Variants in UNC5D observed in about 807,000 individuals in gnomAD.
The protein encoded by UNC5D is unc-5 netrin receptor D, also known as netrin receptor UNC5D.
UNC5D carries 39 observed loss-of-function variants against 105.4 expected under a neutral mutation model. That is an observed-to-expected ratio of 0.37 (90% CI 0.29 to 0.48). UNC5D has a LOEUF of 0.48. Ranked by LOEUF, UNC5D falls within the 20% of genes least tolerant of loss-of-function variation. The probability of loss-of-function intolerance (pLI) is 0.98; values close to 1 mark genes in which losing one functional copy is unlikely to be tolerated. For missense variants in UNC5D, 991 were observed against 1,202.4 expected (o/e 0.82, Z 2.60); for synonymous variants, 452 against 450.4 (o/e 1.00, Z -0.04).
intron 3 of UNC5D, among the ~76,000 whole-genome samples, chr8:35,593,056 C>G: frequency 6.7e-6 from 1 of 150,342 alleles, no homozygotes; most frequent in Non-Finnish European, 1.5e-5. Context: ...TACACACACA[C>G]ACACACACAC....
intron 1 of UNC5D, among the ~76,000 whole-genome samples, chr8:35,301,393 C>T (rs759884297): frequency 1.3e-5 from 2 of 152,118 alleles, no homozygotes; most frequent in Non-Finnish European, 2.9e-5. Context: ...ACCAATTTCA[C>T]AGAGGTTATC....
At chr8:35,631,219 C>T (rs2131078606) in intron 4 of UNC5D, among the ~76,000 whole-genome samples, 1 of 151,474 alleles carries the variant, frequency 6.6e-6, no homozygotes. Flanking sequence ...GAGACTGAGG[C>T]AGGAGAATGG....
chr8:35,409,768 G>C (rs923379671), intron 1 of UNC5D, among the ~76,000 whole-genome samples: 5 of 151,812 alleles, frequency 3.3e-5, no homozygotes, highest in African/African-American at 4.8e-5. Context: ...TTTTCCCTAT[G>C]ATCATGCCTT....
chr8:35,435,404 A>G (rs1244807877), intron 1 of UNC5D, among the ~76,000 whole-genome samples: 1 of 152,092 alleles, frequency 6.6e-6, no homozygotes, highest in Non-Finnish European at 1.5e-5. Flanking sequence ...AAAGCTGGCA[A>G]AAGAATTATG....
At chr8:35,250,782 C>G in intron 1 of UNC5D, among the ~76,000 whole-genome samples, 1 of 152,318 alleles carries the variant, frequency 6.6e-6, no homozygotes, top group Non-Finnish European at 1.5e-5. Flanking sequence ...CAGGCATGAA[C>G]CACCGCTCCT....
chr8:35,325,868 A>C lies in UNC5D; in HGVS notation c.103+89981A>C, dbSNP rs116939845. ...ATGGTCACCAAAACATCATCCTATC[A>C]TCGTCCTCAGTATAAAGTTGGGAAA... On this transcript the variant is annotated intron_variant, in intron 1 of 16. Transcript: ENST00000404895. 3.8e-3 allele frequency among the ~76,000 whole-genome samples: 582 copies of C among 152,238 alleles called. 1 individual carries two copies. The highest frequency in any genetic ancestry group is 5.6e-3 in the Non-Finnish European group (382 of 68,018).
At chr8:35,641,377 A>AAAAAAAAAAAAAAAAAAAAAC (rs1822717490) in intron 4 of UNC5D, among the ~76,000 whole-genome samples, 1 of 150,308 alleles carries the variant, frequency 6.7e-6, no homozygotes, top group African/African-American at 2.4e-5. Flanking sequence ...AAAAAAAAAA[A>AAAAAAAAAAAAAAAAAAAAAC]AAAAAAAAGA....
chr8:35,487,320 C>G (rs1299587081), intron 1 of UNC5D, among the ~76,000 whole-genome samples: 1 of 152,014 alleles, frequency 6.6e-6, no homozygotes, highest in East Asian at 1.9e-4. Flanking sequence ...ACATTTAAAT[C>G]AGTGGACTCT....
intron 1 of UNC5D, among the ~76,000 whole-genome samples, chr8:35,435,036 AGTTAAAGAT>A (rs1471776558): frequency 6.6e-6 from 1 of 152,122 alleles, no homozygotes; most frequent in Admixed American, 6.6e-5. Context: ...CCTAAAAAAA[AGTTAAAGAT>A]CTTAAACTTG....
At position 35,456,177 on chromosome 8, in the gene UNC5D, T is replaced by G. The variant is rs370926353; in HGVS notation, c.104-93115T>G. Among the ~76,000 whole-genome samples the G allele has an allele frequency of 5.9e-5, 9 of 152,280 alleles. 1 individual carries two copies. The highest frequency in any genetic ancestry group is 2.2e-4 in the African/African-American group (9 of 41,556). ...GTTTCATTAGAACATTACCTGGCAT[T>G]ATAATTTAATGGCATTTCTGATTCT... On this transcript the variant is annotated intron_variant, in intron 1 of 16. Transcript: ENST00000404895.
chr8:35,687,829 G>A (rs1433439147), intron 7 of UNC5D, among the ~76,000 whole-genome samples: 2 of 152,126 alleles, frequency 1.3e-5, no homozygotes, highest in Non-Finnish European at 2.9e-5. Flanking sequence ...CAGAGTAGGT[G>A]CACACTTGAT....
At chr8:35,583,058 A>G (rs146457477) in intron 3 of UNC5D, among the ~76,000 whole-genome samples, 1 of 152,308 alleles carries the variant, frequency 6.6e-6, no homozygotes, top group Non-Finnish European at 1.5e-5. Context: ...TGACAACAGG[A>G]TGAACAGCAC....
intron 3 of UNC5D, among the ~76,000 whole-genome samples, chr8:35,584,416 G>GT (rs1818653573): frequency 1.3e-5 from 2 of 151,576 alleles, no homozygotes; most frequent in Admixed American, 6.6e-5. Flanking sequence ...GTTTTGTTTT[G>GT]TTTGTTTTGT....
At chr8:35,723,813 G>C (rs930914343) in intron 9 of UNC5D, among the ~76,000 whole-genome samples, 2 of 152,158 alleles carry the variant, frequency 1.3e-5, no homozygotes, top group Non-Finnish European at 2.9e-5. Context: ...CTGTATTAGT[G>C]TGAGAGACAG....
chr8:35,617,238 T>C (rs1453205819), intron 4 of UNC5D, among the ~76,000 whole-genome samples: 1 of 152,234 alleles, frequency 6.6e-6, no homozygotes, highest in Non-Finnish European at 1.5e-5. Flanking sequence ...GTGTATCATC[T>C]GTTTAGGAAG....
At chr8:35,269,606 G>A (rs898501426) in intron 1 of UNC5D, among the ~76,000 whole-genome samples, 1 of 151,994 alleles carries the variant, frequency 6.6e-6, no homozygotes, top group Non-Finnish European at 1.5e-5. Flanking sequence ...AACCATATTG[G>A]GTTCAACTTA....
intron 3 of UNC5D, among the ~76,000 whole-genome samples, chr8:35,569,908 C>T (rs1665788472): frequency 6.7e-6 from 1 of 148,254 alleles, no homozygotes; most frequent in South Asian, 2.2e-4. Context: ...CTGTTCTTCA[C>T]TTCTCTGAGG....
chr8:35,556,804 C>T (rs1816582568), intron 2 of UNC5D, among the ~76,000 whole-genome samples: 1 of 152,152 alleles, frequency 6.6e-6, no homozygotes, highest in Non-Finnish European at 1.5e-5. Context: ...TTAATTTGTT[C>T]CCCTAACCAC....
intron 4 of UNC5D, among the ~76,000 whole-genome samples, chr8:35,606,470 A>T (rs558020565): frequency 6.6e-6 from 1 of 152,164 alleles, no homozygotes; most frequent in East Asian, 1.9e-4. Flanking sequence ...CAGGTTTATT[A>T]TATGGGTAAA....
Sources: gnomAD v4.1 joint callset for allele counts (sites outside exome capture counted in the v4.1 genomes callset) on GRCh38, gnomAD v4.1.1 for gene constraint, MANE v1.5 for transcripts, NCBI Gene and HGNC (gene_info 2026-07-23, HGNC 2026-07-21) for gene names.